Variants in CD247 observed in about 807,000 individuals in gnomAD.
CD247 encodes the protein CD247 molecule, also known as T-cell surface glycoprotein CD3 zeta chain.
A neutral mutation model predicts 30.0 loss-of-function variants in CD247; 13 were observed. The observed-to-expected ratio is 0.43, with a 90% confidence interval of 0.28 to 0.69. CD247 has a LOEUF of 0.69. Among genes scored for constraint, CD247 ranks in the 30% least tolerant of loss-of-function variants. CD247 has a pLI of 0.16. For missense variants in CD247, 193 were observed against 212.6 expected (o/e 0.91, Z 0.57); for synonymous variants, 72 against 80.0 (o/e 0.90, Z 0.53).
At chr1:167,459,142 T>A (rs1284111358) in intron 1 of CD247, among the ~76,000 whole-genome samples, 265 of 135,042 alleles carry the variant, frequency 2.0e-3, no homozygotes, top group Middle Eastern at 7.1e-3. Flanking sequence ...CTCAAAAATT[T>A]TAAAAAAAAA....
At chr1:167,432,780 C>G (rs1191249535) in intron 7 of CD247, among the ~76,000 whole-genome samples, 1 of 152,228 alleles carries the variant, frequency 6.6e-6, no homozygotes, top group Non-Finnish European at 1.5e-5. Flanking sequence ...AGCTGCTGCT[C>G]TGTCTGCCAT....
intron 1 of CD247, among the ~76,000 whole-genome samples, chr1:167,497,496 T>C (rs1571587666): frequency 6.6e-6 from 1 of 152,338 alleles, no homozygotes; most frequent in East Asian, 1.9e-4. Context: ...TCGTTTTCTT[T>C]AGTATTCTAG....
At chr1:167,503,133 C>G (rs1179414065) in intron 1 of CD247, among the ~76,000 whole-genome samples, 5 of 152,222 alleles carry the variant, frequency 3.3e-5, no homozygotes, top group African/African-American at 1.2e-4. Flanking sequence ...TGTGGAACAG[C>G]TACCTCAGCC....
intron 4 of CD247, among the ~76,000 whole-genome samples, chr1:167,435,908 G>A (rs751733140): frequency 1.3e-5 from 2 of 152,196 alleles, no homozygotes; most frequent in Non-Finnish European, 2.9e-5. Context: ...CAATGAAATC[G>A]ACAGCCTCTC....
chr1:167,430,829 A>G lies in CD247; in HGVS notation c.*852T>C, dbSNP rs1297723872. The stretch of plus-strand genomic sequence containing the variant: ...CTGCCACTGTCCGCTGGGCAGTTAT[A>G]GGTCCCATGTGTTGGGTCTTCCTGC... On this transcript the variant is annotated 3_prime_UTR_variant, in exon 8 of 8. Coordinates refer to ENST00000362089, the MANE Select transcript of CD247 (RefSeq NM_198053.3). 2.0e-5 allele frequency: 8 copies of G among 398,646 alleles called. No homozygotes were observed. Among genetic ancestry groups the G allele is most frequent in the Non-Finnish European group, 3.5e-5 (8 of 226,158 alleles). The allele number at this position is 398,646 out of a possible 1,614,324, so 24.7% of individuals were successfully genotyped here.
chr1:167,464,101 A>T (rs1285760086), intron 1 of CD247, among the ~76,000 whole-genome samples: 1 of 152,166 alleles, frequency 6.6e-6, no homozygotes, highest in Non-Finnish European at 1.5e-5. Context: ...TAGTTTTACC[A>T]TGGAATGTGC....
Position 167,518,389 on chromosome 1 carries a change from G to A in CD247, c.58+19C>T, listed in dbSNP as rs375978767. 1.8e-5 allele frequency: 29 copies of A among 1,613,418 alleles called. No homozygotes were observed. The highest frequency in any genetic ancestry group is 4.5e-5 in the East Asian group (2 of 44,898). On this transcript the variant is annotated intron_variant, in intron 1 of 7. Transcript: ENST00000362089. The stretch of plus-strand genomic sequence containing the variant: ...AAAGAGTTTCTAGAAGTTCCCTGCC[G>A]TCGACACGTCGGCCCTACCTGTAAT...
chr1:167,433,074 G>A lies in CD247; in HGVS notation c.394-15C>T. ...CCCCTCCGGCGCTGGTTGTTTGGGA[G>A]TGAAATGAGAAAAGGATTAGAAAGT... On this transcript the variant is annotated splice_polypyrimidine_tract_variant and intron_variant, in intron 6 of 7. Transcript: ENST00000362089. 6.2e-7 allele frequency: 1 copy of A among 1,614,088 alleles called. No homozygotes were observed. Among genetic ancestry groups the A allele is most frequent in the Non-Finnish European group, 8.5e-7 (1 of 1,179,924 alleles).
At position 167,434,189 on chromosome 1, in the gene CD247, AG is replaced by A. The variant is rs1229967032; in HGVS notation, c.337-114del. ...AAGTTGGCAGCAGTGGCAGACAGGGAGGGCTCCCACAATCAAGGCTCCAAAC... is the reference window on the plus strand; with the variant it reads ...AAGTTGGCAGCAGTGGCAGACAGGGAGGCTCCCACAATCAAGGCTCCAAAC... On this transcript the variant is annotated intron_variant, in intron 5 of 7. Transcript: ENST00000362089. 28 of 930,106 alleles carry A rather than the reference AG, an allele frequency of 3.0e-5. 1 individual carries two copies. Among genetic ancestry groups the A allele is most frequent in the Non-Finnish European group, 5.0e-5 (28 of 564,312 alleles). 57.6% of individuals were successfully genotyped at this position (930,106 alleles called of 1,614,324 possible). A position where few individuals can be genotyped will look rare whatever the true frequency, so the allele number is the denominator to read the frequency against.
At chr1:167,499,149 A>G (rs1457957495) in intron 1 of CD247, among the ~76,000 whole-genome samples, 3 of 152,220 alleles carry the variant, frequency 2.0e-5, no homozygotes, top group Admixed American at 1.3e-4. Flanking sequence ...TTTTGCCCCC[A>G]GGAAACATTT....
In CD247 at chr1:167,494,351, C is replaced by T. The variant is rs1255467874; in HGVS notation, c.58+24057G>A. Among the ~76,000 whole-genome samples the T allele has an allele frequency of 2.0e-5, 3 of 152,100 alleles. No homozygotes were observed. The highest frequency in any genetic ancestry group is 7.2e-5 in the African/African-American group (3 of 41,414). ...CGATGTTATCTAAGTGAGGACTGGCCAGGTAATTGGAACGTTCTAGAGACT... is the reference window on the plus strand; with the variant it reads ...CGATGTTATCTAAGTGAGGACTGGCTAGGTAATTGGAACGTTCTAGAGACT... On this transcript the variant is annotated intron_variant, in intron 1 of 7. Transcript: ENST00000362089. This position sits in a 1 kb window ranked among gnomAD's most constrained non-coding sequence, Gnocchi z 7.3.
rs891803389 is a variant in CD247 at position 167,430,821 on chromosome 1, G to C, written c.*860C>G. ...TTCCTGTCCTGCCACTGTCCGCTGG[G>C]CAGTTATAGGTCCCATGTGTTGGGT... On this transcript the variant is annotated 3_prime_UTR_variant, in exon 8 of 8. Coordinates refer to ENST00000362089, the MANE Select transcript of CD247 (RefSeq NM_198053.3). The C allele has an allele frequency of 5.0e-6, 2 of 398,726 alleles. No homozygotes were observed. 24.7% of individuals were successfully genotyped at this position (398,726 alleles called of 1,614,324 possible). A position where few individuals can be genotyped will look rare whatever the true frequency, so the allele number is the denominator to read the frequency against.
At chr1:167,501,811 C>T (rs181296943) in intron 1 of CD247, among the ~76,000 whole-genome samples, 1 of 152,330 alleles carries the variant, frequency 6.6e-6, no homozygotes, top group East Asian at 1.9e-4. Context: ...TTCTCAGGGT[C>T]CGTATGCCAC....
intron 2 of CD247, 185 bp downstream of exon 2, chr1:167,440,479 C>G: frequency 4.6e-6 from 3 of 652,768 alleles, no homozygotes; most frequent in Non-Finnish European, 8.3e-6. Context: ...CTGTCCATCT[C>G]AGCCAGACAC....
chr1:167,459,616 G>A (rs577947418), intron 1 of CD247: 14 of 152,326 alleles, frequency 9.2e-5, no homozygotes, highest in African/African-American at 3.4e-4. Flanking sequence ...GCCTCTCAAA[G>A]TGCTGGGATT....
At chr1:167,471,834 T>TC (rs1406372382) in intron 1 of CD247, among the ~76,000 whole-genome samples, 3 of 119,354 alleles carry the variant, frequency 2.5e-5, no homozygotes, top group Admixed American at 1.5e-4. Context: ...TTTCTTTCTT[T>TC]TTTTTTTTTT....
intron 1 of CD247, among the ~76,000 whole-genome samples, chr1:167,466,810 C>G (rs1571552466): frequency 6.6e-6 from 1 of 151,874 alleles, no homozygotes; most frequent in Non-Finnish European, 1.5e-5. Flanking sequence ...TTCGGGAGGC[C>G]TAGCTCCTGT....
chr1:167,483,738 A>G (rs777742675), intron 1 of CD247, among the ~76,000 whole-genome samples: 6 of 152,264 alleles, frequency 3.9e-5, no homozygotes, highest in Non-Finnish European at 7.3e-5. Context: ...AGGTGGCACA[A>G]TGTGCCCAGT....
chr1:167,516,274 T>A (rs1336854518), intron 1 of CD247, among the ~76,000 whole-genome samples: 1 of 152,252 alleles, frequency 6.6e-6, no homozygotes, highest in East Asian at 1.9e-4. Context: ...AGTGTGCCCA[T>A]GCCACTAGGC....
Sources: allele counts gnomAD v4.1 joint callset (sites outside exome capture counted in the v4.1 genomes callset), GRCh38; gene constraint gnomAD v4.1.1; non-coding constraint Gnocchi (gnomAD v3.1); transcripts MANE v1.5; gene names NCBI Gene and HGNC (gene_info 2026-07-23, HGNC 2026-07-21).